OR1N1: variants seen among roughly 807,000 people sequenced by gnomAD.
OR1N1 encodes the protein olfactory receptor 1N1.
For missense variants in OR1N1, 388 were observed against 391.9 expected, an observed-to-expected ratio of 0.99 and a Z score of 0.08; for synonymous variants, 130 against 151.2, an observed-to-expected ratio of 0.86 and a Z score of 1.03.
At position 122,526,936 on chromosome 9, in the gene OR1N1, G is replaced by A. The variant is rs370443121; in HGVS notation, c.358C>T (p.Arg120Cys). The change falls in exon 1 of 1, where the codon CGC (arginine) becomes TGC (cysteine). Residue 120 changes from arginine (R) to cysteine (C), a missense_variant. Arg to Cys is a radical substitution (Grantham distance 180). Coordinates refer to ENST00000304880, the MANE Select transcript of OR1N1 (RefSeq NM_012363.1). Reference protein sequence around the residue: ...SFFLAAMAYDRYVAICHPLCY... With the variant: ...SFFLAAMAYDCYVAICHPLCY... The stretch of plus-strand genomic sequence containing the variant: ...AGGGGGTGGCAAATGGCCACATAGC[G>A]GTCATACGCCATGGCAGCCAGGAAG... 102 of 1,614,016 alleles carry A rather than the reference G, an allele frequency of 6.3e-5. No homozygotes were observed. Among genetic ancestry groups the A allele is most frequent in the Non-Finnish European group, 8.0e-5 (94 of 1,180,018 alleles).
At position 122,526,885 on chromosome 9, in the gene OR1N1, G is replaced by A. The variant is rs1329179397; in HGVS notation, c.409C>T (p.Gln137Ter). 3 of 1,614,202 alleles carry A rather than the reference G, an allele frequency of 1.9e-6. No homozygotes were observed. Among genetic ancestry groups the A allele is most frequent in the Admixed American group, 1.7e-5 (1 of 60,032 alleles). ...PLCYSTVMRP[Q>*]VCALMLALCW... Reference sequence around the variant, plus strand: ...AATGCAAGCATTAGGGCACAGACTTGGGGCCTCATGACTGTGGAGTAGCAG... The same window carrying A: ...AATGCAAGCATTAGGGCACAGACTTAGGGCCTCATGACTGTGGAGTAGCAG... Residue 137 changes from glutamine (Q) to a stop codon, truncating the protein, a stop_gained, in exon 1 of 1, where the codon CAA (glutamine) becomes TAA (stop). Transcript: ENST00000304880. LOFTEE classifies it low-confidence loss of function (END_TRUNC).
Position 122,526,614 on chromosome 9 carries a change from C to T in OR1N1, c.680G>A (p.Arg227Gln), listed in dbSNP as rs58226717. 45,949 of 1,614,042 alleles carry T rather than the reference C, an allele frequency of 0.028. 3,274 individuals are homozygous for T. In the East Asian group the frequency reaches 0.33, roughly 12 times the overall value. The stretch of plus-strand genomic sequence containing the variant: ...GGCCTTGCCCACCCCACCACGGGTT[C>T]GGACCCTCAGGATAGCTGGCACAAT... Reference protein sequence around the residue: ...IHIVPAILRVRTRGGVGKAFS... With the variant: ...IHIVPAILRVQTRGGVGKAFS... Residue 227 changes from arginine to glutamine, a missense_variant, in exon 1 of 1, where the codon CGA becomes CAA. Transcript: ENST00000304880.
Position 122,527,064 on chromosome 9 carries a change from G to A in OR1N1, c.230C>T (p.Thr77Ile), listed in dbSNP as rs769916951. Reference protein sequence around the residue: ...VDMGLTSSTVTKMLVNIQTRH... With the variant: ...VDMGLTSSTVIKMLVNIQTRH... ...AGTCTGTATATTCACCAGCATCTTG[G>A]TAACTGTGGAGGACGTTAAACCCAT... Residue 77 changes from threonine to isoleucine, a missense_variant, in exon 1 of 1, where the codon ACC becomes ATC. Physicochemically the swap from Thr to Ile is moderately conservative, Grantham distance 89 (BLOSUM62 -1). Coordinates refer to ENST00000304880, the MANE Select transcript of OR1N1 (RefSeq NM_012363.1). 6.2e-7 allele frequency: 1 copy of A among 1,614,218 alleles called. No individual in the cohort carries two copies. The highest frequency in any genetic ancestry group is 1.3e-5 in the African/African-American group (1 of 75,050).
Position 122,526,522 on chromosome 9 carries a change from G to T in OR1N1, c.772C>A (p.Leu258Met). 6.2e-7 allele frequency: 1 copy of T among 1,601,402 alleles called. No individual in the cohort carries two copies. Among genetic ancestry groups the T allele is most frequent in the Non-Finnish European group, 8.5e-7 (1 of 1,173,868 alleles). Residue 258 changes from leucine (L) to methionine (M), a missense_variant, in exon 1 of 1, where the codon CTG (leucine) becomes ATG (methionine). Transcript: ENST00000304880. Reference protein sequence around the residue: ...VFYGTLFSAYLCPPSIASEEK... With the variant: ...VFYGTLFSAYMCPPSIASEEK... ...TCAGAGGCAATGGAGGGAGGACACA[G>T]GTAGGCACTGAAGAGGGTCCCATAG... is the stretch of plus-strand genomic sequence containing the variant.
At position 122,527,267 on chromosome 9, in the gene OR1N1, T is replaced by A; in HGVS notation, c.27A>T (p.Glu9Asp). MENQSSISEFFLRGISAPP... is the reference protein window; with the variant it reads MENQSSISDFFLRGISAPP... ...GCGCTGATATTCCTCGGAGGAAAAA[T>A]TCAGAAATGCTGGATTGGTTTTCCA... The change falls in exon 1 of 1, where the codon GAA becomes GAT. Residue 9 changes from glutamate (E) to aspartate (D), a missense_variant. By Grantham distance (45) the Glu-to-Asp change is conservative. Transcript: ENST00000304880. 1 of 1,610,896 alleles carries A rather than the reference T, an allele frequency of 6.2e-7. No individual in the cohort carries two copies. Among genetic ancestry groups the A allele is most frequent in the Non-Finnish European group, 8.5e-7 (1 of 1,177,840 alleles).
rs755655416 is a variant in OR1N1, at chr9:122,527,110, C to G, written c.184G>C (p.Ala62Pro). 6.2e-7 allele frequency: 1 copy of G among 1,614,152 alleles called. No homozygotes were observed. Among genetic ancestry groups the G allele is most frequent in the South Asian group, 1.1e-5 (1 of 91,080 alleles). The change falls in exon 1 of 1, where the codon GCC (alanine) becomes CCC (proline). Residue 62 changes from alanine to proline, a missense_variant. Transcript: ENST00000304880. ...CCCATGTCAACAAAAGACAGGTTGG[C>G]CAAGAAAAAGTACATGGGGGTGTGG... The part of the protein sequence containing the change: ...HLHTPMYFFL[A>P]NLSFVDMGLT...
Position 122,526,951 on chromosome 9 carries a change from C to A in OR1N1, c.343G>T (p.Ala115Ser). 6.2e-7 allele frequency: 1 copy of A among 1,614,196 alleles called. No individual in the cohort carries two copies. The highest frequency in any genetic ancestry group is 8.5e-7 in the Non-Finnish European group (1 of 1,180,028). Residue 115 changes from alanine to serine, a missense_variant, in exon 1 of 1, where the codon GCC (alanine) becomes TCC (serine). Ala to Ser is a moderately conservative substitution (Grantham distance 99). Coordinates refer to ENST00000304880, the MANE Select transcript of OR1N1 (RefSeq NM_012363.1). ...GCCACATAGCGGTCATACGCCATGG[C>A]AGCCAGGAAGAAGCTGTCTAGATCA... is the stretch of plus-strand genomic sequence containing the variant. ...FGDLDSFFLA[A>S]MAYDRYVAIC...
rs909199302 is a variant in OR1N1 at position 122,526,553 on chromosome 9, A to G, written c.741T>C (p.Cys247=). 5 of 1,612,504 alleles carry G rather than the reference A, an allele frequency of 3.1e-6. No homozygotes were observed. The East Asian group carries it at 6.7e-5, about 22-fold the overall frequency. ...CACTGAAGAGGGTCCCATAGAACAC[A>G]CAAACAACGCAGAGGTGGGAACTGC... The part of the protein sequence containing the change: ...STCSSHLCVV[C]VFYGTLFSAY... The change falls in exon 1 of 1, where the codon TGT becomes TGC. Residue 247 remains cysteine (C), a synonymous_variant. Transcript: ENST00000304880.
chr9:122,526,553 A>C lies in OR1N1; in HGVS notation c.741T>G (p.Cys247Trp), dbSNP rs909199302. The change falls in exon 1 of 1, where the codon TGT becomes TGG. Residue 247 changes from cysteine to tryptophan, a missense_variant. Physicochemically the swap from Cys to Trp is radical, Grantham distance 215. Transcript: ENST00000304880. ...CACTGAAGAGGGTCCCATAGAACACACAAACAACGCAGAGGTGGGAACTGC... is the reference window on the plus strand; with the variant it reads ...CACTGAAGAGGGTCCCATAGAACACCCAAACAACGCAGAGGTGGGAACTGC... ...STCSSHLCVV[C>W]VFYGTLFSAY... The C allele has an allele frequency of 1.9e-6, 3 of 1,612,504 alleles. No homozygotes were observed. The highest frequency in any genetic ancestry group is 3.3e-5 in the Admixed American group (2 of 59,926).
Position 122,526,603 on chromosome 9 carries a change from C to T in OR1N1, c.691G>A (p.Gly231Arg). Residue 231 changes from glycine (G) to arginine (R), a missense_variant, in exon 1 of 1, where the codon GGG (glycine) becomes AGG (arginine). Transcript: ENST00000304880. The stretch of plus-strand genomic sequence containing the variant: ...CAGGTGGAAAAGGCCTTGCCCACCC[C>T]ACCACGGGTTCGGACCCTCAGGATA... The part of the protein sequence containing the change: ...PAILRVRTRG[G>R]VGKAFSTCSS... 2 of 1,614,124 alleles carry T rather than the reference C, an allele frequency of 1.2e-6. No individual in the cohort carries two copies. The highest frequency in any genetic ancestry group is 1.7e-6 in the Non-Finnish European group (2 of 1,180,016).
Position 122,527,253 on chromosome 9 carries a change from C to G in OR1N1, c.41G>C (p.Gly14Ala). 1.2e-6 allele frequency: 2 copies of G among 1,612,300 alleles called. No homozygotes were observed. The highest frequency in any genetic ancestry group is 1.7e-6 in the Non-Finnish European group (2 of 1,178,730). ...QSSISEFFLR[G>A]ISAPPEQQQS... ...CTGTTGCTCTGGAGGCGCTGATATT[C>G]CTCGGAGGAAAAATTCAGAAATGCT... The change falls in exon 1 of 1, where the codon GGA becomes GCA. Residue 14 changes from glycine to alanine, a missense_variant. By Grantham distance (60) the Gly-to-Ala change is moderately conservative (BLOSUM62 0). Transcript: ENST00000304880.
In OR1N1 at chr9:122,527,242, G is replaced by A. The variant is rs10818708; in HGVS notation, c.52C>T (p.Pro18Ser). 812,020 of 1,611,988 alleles carry A rather than the reference G, an allele frequency of 0.5. 216,213 individuals carry two copies. Among genetic ancestry groups the A allele is most frequent in the East Asian group, 0.89 (39,868 of 44,848 alleles). Residue 18 changes from proline to serine, a missense_variant, in exon 1 of 1, where the codon CCT becomes TCT. Transcript: ENST00000304880. The stretch of plus-strand genomic sequence containing the variant: ...AAGAGGGACTGCTGTTGCTCTGGAG[G>A]CGCTGATATTCCTCGGAGGAAAAAT... ...SEFFLRGISA[P>S]PEQQQSLFGI...
At position 122,527,137 on chromosome 9, in the gene OR1N1, G is replaced by A. The variant is rs575313634; in HGVS notation, c.157C>T (p.Leu53Phe). The A allele has an allele frequency of 5.3e-5, 85 of 1,614,236 alleles. 1 individual carries two copies. The South Asian group carries it at 8.2e-4, about 16-fold the overall frequency. The change falls in exon 1 of 1, where the codon CTC becomes TTC. Residue 53 changes from leucine to phenylalanine, a missense_variant. Transcript: ENST00000304880. ...IILAIGSDLH[L>F]HTPMYFFLAN... ...AAGAAAAAGTACATGGGGGTGTGGA[G>A]GTGCAGGTCAGAGCCAATGGCCAGG...
Position 122,526,410 on chromosome 9 carries a change from A to T in OR1N1, c.884T>A (p.Met295Lys). The change falls in exon 1 of 1, where the codon ATG becomes AAG. Residue 295 changes from methionine (M) to lysine (K), a missense_variant. Coordinates refer to ENST00000304880, the MANE Select transcript of OR1N1 (RefSeq NM_012363.1). ...GAAGAGCCTCTTTAGGGCCCCCTTC[A>T]TGTCCTTGTTCCTTAGGCTATAGAT... ...PFIYSLRNKDMKGALKRLFSH... is the reference protein window; with the variant it reads ...PFIYSLRNKDKKGALKRLFSH... 6.6e-7 allele frequency: 1 copy of T among 1,513,756 alleles called. No homozygotes were observed. Among genetic ancestry groups the T allele is most frequent in the Non-Finnish European group, 8.8e-7 (1 of 1,133,002 alleles). The allele number at this position is 1,513,756 out of a possible 1,614,324, so 93.8% of individuals were successfully genotyped here.
At position 122,526,999 on chromosome 9, in the gene OR1N1, T is replaced by C. The variant is rs1304463717; in HGVS notation, c.295A>G (p.Met99Val). 1.2e-6 allele frequency: 2 copies of C among 1,614,140 alleles called. No individual in the cohort carries two copies. The highest frequency in any genetic ancestry group is 2.7e-5 in the African/African-American group (2 of 75,032). ...TCACCAAACATCAGAAAGAAATACA[T>C]TTGCGTGAGGCAACCCGTATAGGAG... Reference protein sequence around the residue: ...TISYTGCLTQMYFFLMFGDLD... With the variant: ...TISYTGCLTQVYFFLMFGDLD... The change falls in exon 1 of 1, where the codon ATG (methionine) becomes GTG (valine). Residue 99 changes from methionine (M) to valine (V), a missense_variant. Coordinates refer to ENST00000304880, the MANE Select transcript of OR1N1 (RefSeq NM_012363.1).
In OR1N1 at chr9:122,526,841, A is replaced by G; in HGVS notation, c.453T>C (p.Asn151=). The G allele has an allele frequency of 6.2e-7, 1 of 1,614,128 alleles. No homozygotes were observed. The highest frequency in any genetic ancestry group is 8.5e-7 in the Non-Finnish European group (1 of 1,180,030). The change falls in exon 1 of 1, where the codon AAT becomes AAC. Residue 151 remains asparagine, a synonymous_variant. Coordinates refer to ENST00000304880, the MANE Select transcript of OR1N1 (RefSeq NM_012363.1). The part of the protein sequence containing the change: ...LMLALCWVLT[N]IVALTHTFLM... The stretch of plus-strand genomic sequence containing the variant: ...GGAACGTGTGAGTCAGGGCAACGAT[A>G]TTGGTGAGGACCCAGCACAATGCAA...
At position 122,527,255 on chromosome 9, in the gene OR1N1, T is replaced by C. The variant is rs1452858558; in HGVS notation, c.39A>G (p.Arg13=). 1.2e-6 allele frequency: 2 copies of C among 1,612,214 alleles called. No individual in the cohort carries two copies. Among genetic ancestry groups the C allele is most frequent in the Non-Finnish European group, 1.7e-6 (2 of 1,178,708 alleles). The part of the protein sequence containing the change: ...NQSSISEFFL[R]GISAPPEQQQ... The stretch of plus-strand genomic sequence containing the variant: ...GTTGCTCTGGAGGCGCTGATATTCC[T>C]CGGAGGAAAAATTCAGAAATGCTGG... Residue 13 remains arginine, a synonymous_variant, in exon 1 of 1, where the codon CGA becomes CGG. Transcript: ENST00000304880.
rs1828833284 is a variant in OR1N1, at chr9:122,526,391, C to G, written c.903G>C (p.Arg301Ser). 6.6e-7 allele frequency: 1 copy of G among 1,506,634 alleles called. No homozygotes were observed. Among genetic ancestry groups the G allele is most frequent in the Non-Finnish European group, 8.9e-7 (1 of 1,129,094 alleles). The allele number at this position is 1,506,634 out of a possible 1,614,324, so 93.3% of individuals were successfully genotyped here. Residue 301 changes from arginine (R) to serine (S), a missense_variant, in exon 1 of 1, where the codon AGG becomes AGC. Coordinates refer to ENST00000304880, the MANE Select transcript of OR1N1 (RefSeq NM_012363.1). ...AAACAATACTCCTGTGACTGAAGAG[C>G]CTCTTTAGGGCCCCCTTCATGTCCT... Reference protein sequence around the residue: ...RNKDMKGALKRLFSHRSIVSS With the variant: ...RNKDMKGALKSLFSHRSIVSS
At position 122,527,207 on chromosome 9, in the gene OR1N1, G is replaced by A. The variant is rs1284978222; in HGVS notation, c.87C>T (p.Phe29=). The stretch of plus-strand genomic sequence containing the variant: ...TCAAGGTGACAAGATACATACACAG[G>A]AAAATTCCGAAGAGGGACTGCTGTT... The part of the protein sequence containing the change: ...PEQQQSLFGI[F]LCMYLVTLTG... The change falls in exon 1 of 1, where the codon TTC becomes TTT. Residue 29 remains phenylalanine (F), a synonymous_variant. Coordinates refer to ENST00000304880, the MANE Select transcript of OR1N1 (RefSeq NM_012363.1). 1 of 1,614,038 alleles carries A rather than the reference G, an allele frequency of 6.2e-7. No individual in the cohort carries two copies. Among genetic ancestry groups the A allele is most frequent in the South Asian group, 1.1e-5 (1 of 91,068 alleles).
Sources: allele counts gnomAD v4.1 joint callset, GRCh38; gene constraint gnomAD v4.1.1; transcripts MANE v1.5; gene names NCBI Gene and HGNC (gene_info 2026-07-23, HGNC 2026-07-21).